The following ARPC1B variants were observed in gnomAD, a reference collection of about 807,000 sequenced individuals.
ARPC1B encodes the protein actin-related protein 2/3 complex subunit 1B.
ARPC1B carries 29 observed loss-of-function variants against 46.0 expected under a neutral mutation model. The observed-to-expected ratio is 0.63, with a 90% CI of 0.47 to 0.86. The LOEUF (loss-of-function observed/expected upper bound fraction) is 0.86. Among genes scored for constraint, ARPC1B ranks in the 40% least tolerant of loss-of-function variants. ARPC1B has a pLI of 0.00. For synonymous variants in ARPC1B, 201 were observed against 213.9 expected (o/e 0.94, Z 0.53); for missense variants, 469 against 529.4 (o/e 0.89, Z 1.12).
At position 99,374,944 on chromosome 7, in the gene ARPC1B, G is replaced by A. The variant is rs1292036918; in HGVS notation, c.-14+163G>A. On this transcript the variant is annotated intron_variant, in intron 1 of 9. Transcript: ENST00000646101. This position sits in a 1 kb window ranked among gnomAD's most constrained non-coding sequence, Gnocchi z 5.0. ...CGCCTGGAAGTGAGGACGCATAGAT[G>A]TGGGGCGCCGCCCAATAGGGGCACG... Among the ~76,000 whole-genome samples, 1 of 151,456 alleles carries A rather than the reference G, an allele frequency of 6.6e-6. No homozygotes were observed. The highest frequency in any genetic ancestry group is 1.5e-5 in the Non-Finnish European group (1 of 67,722).
chr7:99,393,583 A>AC (rs2150899187), intron 8 of ARPC1B, among the ~76,000 whole-genome samples: 1 of 152,186 alleles, frequency 6.6e-6, no homozygotes, highest in East Asian at 1.9e-4. Context: ...TGCCAGCCAC[A>AC]CGTGTCCACC....
upstream of ARPC1B, chr7:99,374,706 G>A (rs1003049369): frequency 6.6e-6 from 1 of 151,798 alleles, no homozygotes; most frequent in Non-Finnish European, 1.5e-5. The surrounding 1 kb of genome is among the most constrained non-coding windows in gnomAD (Gnocchi z 5.0). Flanking sequence ...ACGAGGAAGT[G>A]GCTGCTGCTC....
At chr7:99,384,089 G>C (rs1794306990) in intron 1 of ARPC1B, 1 of 152,424 alleles carries the variant, frequency 6.6e-6, no homozygotes, top group African/African-American at 2.4e-5. Flanking sequence ...CGGAGGCGGG[G>C]AGAGATGTGT....
rs1259844129 is a variant in ARPC1B at position 99,392,734 on chromosome 7, G to C, written c.847G>C (p.Gly283Arg). Residue 283 changes from glycine to arginine, a missense_variant, in exon 8 of 10, where the codon GGG becomes CGG. Transcript: ENST00000646101. ...DAAAGMLSFG[G>R]RLDVPKQSSQ... ...CGCCGCGGGGATGCTGAGCTTCGGC[G>C]GGCGGCTGGACGTTCCTAAGCAGAG... is the stretch of plus-strand genomic sequence containing the variant. 50 of 1,548,358 alleles carry C rather than the reference G, an allele frequency of 3.2e-5. No individual in the cohort carries two copies. Among genetic ancestry groups the C allele is most frequent in the Non-Finnish European group, 4.2e-5 (48 of 1,145,594 alleles).
intron 3 of ARPC1B, among the ~76,000 whole-genome samples, chr7:99,387,102 G>A (rs947729761): frequency 6.6e-6 from 1 of 152,156 alleles, no homozygotes; most frequent in Admixed American, 6.6e-5. Context: ...TAAGCTCTAG[G>A]AGTGCCCCCT....
chr7:99,386,671 C>T lies in ARPC1B; in HGVS notation c.65-14C>T. On this transcript the variant is annotated splice_polypyrimidine_tract_variant and intron_variant, in intron 2 of 9. Transcript: ENST00000646101. ...TGGAGAGGGCCCCTCAATCTCCCTC[C>T]ATCTCCCCTTCAGAGATTGCCATCT... The T allele has an allele frequency of 6.2e-7, 1 of 1,600,884 alleles. No individual in the cohort carries two copies. Among genetic ancestry groups the T allele is most frequent in the Admixed American group, 1.7e-5 (1 of 59,988 alleles).
intron 2 of ARPC1B, 23 bp from the exon 3 acceptor site, chr7:99,386,662 A>G (rs372047765): frequency 9.7e-5 from 153 of 1,583,580 alleles, no homozygotes; most frequent in Non-Finnish European, 1.2e-4. Context: ...GGGCCCCTCA[A>G]TCTCCCTCCA....
intron 1 of ARPC1B, among the ~76,000 whole-genome samples, chr7:99,384,592 C>T (rs1794321560): frequency 6.6e-6 from 1 of 152,200 alleles, no homozygotes; most frequent in Admixed American, 6.5e-5. Flanking sequence ...GGCTGGGTCA[C>T]CCTGGGGCCT....
At chr7:99,375,851 C>A (rs1367286241) in intron 1 of ARPC1B, among the ~76,000 whole-genome samples, 1 of 152,130 alleles carries the variant, frequency 6.6e-6, no homozygotes, top group Non-Finnish European at 1.5e-5. Flanking sequence ...CACTTGAGGT[C>A]AGGAGTTCGA....
chr7:99,393,388 TAGGGCTGGCCCCTAC>T (rs1442464221), intron 8 of ARPC1B, among the ~76,000 whole-genome samples: 1 of 152,012 alleles, frequency 6.6e-6, no homozygotes, highest in Admixed American at 6.6e-5. Flanking sequence ...GGGACTGTCG[TAGGGCTGGCCCCTAC>T]GGTTCTCTGG....
intron 1 of ARPC1B, among the ~76,000 whole-genome samples, chr7:99,380,774 A>G (rs1008186291): frequency 6.6e-6 from 1 of 152,178 alleles, no homozygotes; most frequent in Non-Finnish European, 1.5e-5. Context: ...CTGTGCATCA[A>G]CCCAGGGTTC....
At chr7:99,377,825 G>T (rs1308379383) in intron 1 of ARPC1B, among the ~76,000 whole-genome samples, 4 of 151,438 alleles carry the variant, frequency 2.6e-5, no homozygotes, top group Non-Finnish European at 5.9e-5. Context: ...AGTAGAGAGG[G>T]TTTTACCATG....
rs2150894080 is a variant in ARPC1B at position 99,388,158 on chromosome 7, C to T, written c.289C>T (p.Arg97Trp). ...CACGCTGGTCATCCTGCGGATCAAC[C>T]GGGCTGCCCGCTGCGTGCGCTGGGC... ...KPTLVILRIN[R>W]AARCVRWAPN... Residue 97 changes from arginine (R) to tryptophan (W), a missense_variant, in exon 4 of 10, where the codon CGG (arginine) becomes TGG (tryptophan). Transcript: ENST00000646101. 7 of 1,614,256 alleles carry T rather than the reference C, an allele frequency of 4.3e-6. No homozygotes were observed. In the Middle Eastern group the frequency reaches 4.9e-4, roughly 114 times the overall value.
intron 1 of ARPC1B, among the ~76,000 whole-genome samples, chr7:99,385,311 G>T (rs1196592443): frequency 1.4e-5 from 2 of 147,544 alleles, no homozygotes; most frequent in South Asian, 2.2e-4. Context: ...TGGGTGGGGG[G>T]GGGGGGGTCG....
chr7:99,377,616 T>G (rs1046690428), intron 1 of ARPC1B, among the ~76,000 whole-genome samples: 4 of 148,834 alleles, frequency 2.7e-5, no homozygotes, highest in African/African-American at 9.9e-5. Context: ...CCCAGCTTCT[T>G]CTTCTTCTTC....
intron 1 of ARPC1B, among the ~76,000 whole-genome samples, chr7:99,384,411 AC>A (rs34345754): frequency 2.7e-5 from 4 of 149,470 alleles, no homozygotes; most frequent in Non-Finnish European, 4.4e-5. Flanking sequence ...GCATTGTGAG[AC>A]CCCCCTCTCT....
intron 3 of ARPC1B, 116 bp from the exon 4 acceptor site, chr7:99,387,923 G>A: frequency 1.4e-6 from 1 of 706,542 alleles, no homozygotes. Flanking sequence ...AGTGCCTGCT[G>A]GGCAGATACA....
In ARPC1B at chr7:99,392,653, C is replaced by T. The variant is rs955670351; in HGVS notation, c.784-18C>T. 2.7e-5 allele frequency: 40 copies of T among 1,485,848 alleles called. No homozygotes were observed. Among genetic ancestry groups the T allele is most frequent in the Admixed American group, 9.0e-5 (4 of 44,466 alleles). 92.0% of individuals were successfully genotyped at this position (1,485,848 alleles called of 1,614,324 possible). On this transcript the variant is annotated intron_variant, in intron 7 of 9. Transcript: ENST00000646101. ...TTTCCCCTCCGCGGCGCTCCAATGG[C>T]CCCCGCCCTCCGCGCAGGGCCACGA...
rs187010799 is a variant in ARPC1B at position 99,381,471 on chromosome 7, G to A, written c.-13-4231G>A. Among the ~76,000 whole-genome samples, 131 of 152,254 alleles carry A rather than the reference G, an allele frequency of 8.6e-4. 1 individual carries two copies. The highest frequency in any genetic ancestry group is 2.4e-3 in the African/African-American group (99 of 41,556). On this transcript the variant is annotated intron_variant, in intron 1 of 9. Transcript: ENST00000646101. ...TGCTTGTGTGTGTGAGGCTGAACACGCATGTGTTTGTGTGCGTGGCCTGAC... is the reference window on the plus strand; with the variant it reads ...TGCTTGTGTGTGTGAGGCTGAACACACATGTGTTTGTGTGCGTGGCCTGAC...
Sources: gnomAD v4.1 joint callset for allele counts (sites outside exome capture counted in the v4.1 genomes callset) on GRCh38, gnomAD v4.1.1 for gene constraint, Gnocchi (gnomAD v3.1) non-coding constraint, MANE v1.5 for transcripts, NCBI Gene and HGNC (gene_info 2026-07-23, HGNC 2026-07-21) for gene names.